Variants in GHR observed in about 807,000 individuals in gnomAD.
GHR encodes the protein growth hormone receptor.
GHR carries 35 observed loss-of-function variants against 67.1 expected under a neutral mutation model. The ratio of observed to expected loss-of-function variants is 0.52; its 90% confidence interval spans 0.40 to 0.69. The LOEUF (loss-of-function observed/expected upper bound fraction) is 0.69. GHR is among the 30% of genes least tolerant of loss of function. The pLI is 0.00. For missense variants in GHR, 792 were observed against 764.6 expected, an observed-to-expected ratio of 1.04 and a Z score of -0.42; for synonymous variants, 272 against 269.1, an observed-to-expected ratio of 1.01 and a Z score of -0.10.
At chr5:42,507,902 T>C (rs1316528955) in intron 1 of GHR, among the ~76,000 whole-genome samples, 2 of 152,178 alleles carry the variant, frequency 1.3e-5, no homozygotes, top group Admixed American at 6.5e-5. Context: ...TTATCCAGCA[T>C]TGAGCCTGGA....
At chr5:42,609,637 T>C (rs570460134) in intron 2 of GHR, among the ~76,000 whole-genome samples, 1 of 152,258 alleles carries the variant, frequency 6.6e-6, no homozygotes, top group East Asian at 1.9e-4. Context: ...GTGTCCTCAT[T>C]GATTTCATAG....
intron 2 of GHR, among the ~76,000 whole-genome samples, chr5:42,584,695 C>A (rs911751827): frequency 2.6e-5 from 4 of 151,992 alleles, no homozygotes; most frequent in African/African-American, 9.7e-5. Context: ...TCTAAGATTT[C>A]ATTTGGCTGA....
Position 42,464,008 on chromosome 5 carries a change from A to G in GHR, c.-12+40053A>G, listed in dbSNP as rs1016292905. ...ACTCCGTCTCAAAAAAAAAAAAAAA[A>G]AAAAAAAAGAAAAAGAAATAATTTA... On this transcript the variant is annotated intron_variant, in intron 1 of 9. Coordinates refer to ENST00000230882, the MANE Select transcript of GHR (RefSeq NM_000163.5). Among the ~76,000 whole-genome samples, 19 of 146,164 alleles carry G rather than the reference A, an allele frequency of 1.3e-4. No individual in the cohort carries two copies. In the South Asian group the frequency reaches 3.4e-3, roughly 26 times the overall value.
intron 2 of GHR, among the ~76,000 whole-genome samples, chr5:42,588,314 T>C (rs955219276): frequency 1.3e-5 from 2 of 151,608 alleles, no homozygotes; most frequent in African/African-American, 2.4e-5. Context: ...GATCAGGAGA[T>C]TGAGACCATC....
chr5:42,575,410 A>T (rs936907195), intron 2 of GHR, among the ~76,000 whole-genome samples: 1 of 152,142 alleles, frequency 6.6e-6, no homozygotes, highest in African/African-American at 2.4e-5. Context: ...GTGAATTATT[A>T]GAAAATGGTC....
rs1014385043 is a variant in GHR, at chr5:42,629,071, G to T, written c.104G>T (p.Ser35Ile). The change falls in exon 3 of 10, where the codon AGT (serine) becomes ATT (isoleucine). Residue 35 changes from serine to isoleucine, a missense_variant. By Grantham distance (142) the Ser-to-Ile change is moderately radical. Transcript: ENST00000230882. ...GCTATCCTTAGCAGAGCACCCTGGA[G>T]TCTGCAAAGTGTTAATCCAGGCCTA... ...TAAILSRAPW[S>I]LQSVNPGLKT... The T allele has an allele frequency of 7.1e-7, 1 of 1,413,946 alleles. No homozygotes were observed. The highest frequency in any genetic ancestry group is 1.9e-4 in the Middle Eastern group (1 of 5,234). The allele number at this position is 1,413,946 out of a possible 1,614,324, so 87.6% of individuals were successfully genotyped here.
chr5:42,603,052 A>G (rs1752456966), intron 2 of GHR, among the ~76,000 whole-genome samples: 1 of 151,944 alleles, frequency 6.6e-6, no homozygotes, highest in South Asian at 2.1e-4. Flanking sequence ...AACTCTCTCA[A>G]CTTTTGTTTG....
intron 1 of GHR, among the ~76,000 whole-genome samples, chr5:42,464,332 C>T (rs12515480): frequency 0.019 from 2,837 of 152,218 alleles, 153 homozygotes; most frequent in East Asian, 0.11. Context: ...TGAAAGTGTC[C>T]TTTTGCTTTA....
chr5:42,600,657 A>G (rs1467227358), intron 2 of GHR, among the ~76,000 whole-genome samples: 1 of 152,204 alleles, frequency 6.6e-6, no homozygotes, highest in Non-Finnish European at 1.5e-5. Context: ...TACCAGTGAC[A>G]ACAGATGAAT....
chr5:42,491,401 A>G (rs1040135537), intron 1 of GHR, among the ~76,000 whole-genome samples: 2 of 152,222 alleles, frequency 1.3e-5, no homozygotes, highest in African/African-American at 4.8e-5. Context: ...AATGTAGCAT[A>G]ATGAAGCAGA....
At chr5:42,447,622 ATCTC>A (rs886700585) in intron 1 of GHR, among the ~76,000 whole-genome samples, 1 of 126,984 alleles carries the variant, frequency 7.9e-6, no homozygotes, top group Admixed American at 7.7e-5. Context: ...CCCTCCCTCC[ATCTC>A]TCTCTCTTTC....
rs1266687016 is a variant in GHR at position 42,536,728 on chromosome 5, C to CA, written c.-11-29132dup. Among the ~76,000 whole-genome samples, 5 of 152,210 alleles carry CA rather than the reference C, an allele frequency of 3.3e-5. No homozygotes were observed. In the East Asian group the frequency reaches 9.7e-4, roughly 29 times the overall value. ...CTTTCTCTATCTTGTGGAATAGCAT[C>CA]AAAAGGATTGGTATCAATTCTTCTT... On this transcript the variant is annotated intron_variant, in intron 1 of 9. Transcript: ENST00000230882.
intron 2 of GHR, among the ~76,000 whole-genome samples, chr5:42,585,303 T>C (rs1351371918): frequency 1.3e-5 from 2 of 152,250 alleles, no homozygotes. Flanking sequence ...GGTTCATAAA[T>C]AGCCTATAGA....
intron 1 of GHR, among the ~76,000 whole-genome samples, chr5:42,469,866 G>A (rs1038470462): frequency 2.0e-5 from 3 of 152,170 alleles, no homozygotes; most frequent in African/African-American, 7.2e-5. Flanking sequence ...GTTTCTTTCT[G>A]TGAAGTTCCT....
chr5:42,648,056 A>C (rs1279637723), intron 3 of GHR, among the ~76,000 whole-genome samples: 1 of 152,208 alleles, frequency 6.6e-6, no homozygotes, highest in Non-Finnish European at 1.5e-5. Flanking sequence ...GATTTTCAGC[A>C]ACAAGAAACA....
At chr5:42,599,327 C>T (rs1000816393) in intron 2 of GHR, among the ~76,000 whole-genome samples, 2 of 150,424 alleles carry the variant, frequency 1.3e-5, no homozygotes, top group African/African-American at 4.9e-5. Flanking sequence ...CCAAATCTAG[C>T]TCATGGGCAT....
chr5:42,430,787 C>T (rs1430669157), intron 1 of GHR, among the ~76,000 whole-genome samples: 1 of 151,996 alleles, frequency 6.6e-6, no homozygotes, highest in Non-Finnish European at 1.5e-5. Flanking sequence ...TTCACTACTC[C>T]CCACCTCCCA....
Position 42,695,043 on chromosome 5 carries a change from C to T in GHR, c.393C>T (p.Ser131=), listed in dbSNP as rs558985204. The change falls in exon 5 of 10, where the codon AGC becomes AGT. Residue 131 remains serine (S), a synonymous_variant. Transcript: ENST00000230882. Reference sequence around the variant, plus strand: ...TACCTTATTGTATCAAGCTAACTAGCAATGGTGGTACAGTGGATGAAAAGT... The same window carrying T: ...TACCTTATTGTATCAAGCTAACTAGTAATGGTGGTACAGTGGATGAAAAGT... ...IWIPYCIKLT[S]NGGTVDEKCF... 6.2e-7 allele frequency: 1 copy of T among 1,610,614 alleles called. No homozygotes were observed. The highest frequency in any genetic ancestry group is 8.5e-7 in the Non-Finnish European group (1 of 1,176,908).
At chr5:42,636,185 G>C (rs1483745225) in intron 3 of GHR, among the ~76,000 whole-genome samples, 1 of 147,614 alleles carries the variant, frequency 6.8e-6, no homozygotes, top group Non-Finnish European at 1.5e-5. Context: ...ACTCCAGCCT[G>C]GGCGACAGAG....
Sources: allele counts gnomAD v4.1 joint callset (sites outside exome capture counted in the v4.1 genomes callset), GRCh38; gene constraint gnomAD v4.1.1; transcripts MANE v1.5; gene names NCBI Gene and HGNC (gene_info 2026-07-23, HGNC 2026-07-21).